MTERF4: variants seen among roughly 807,000 people sequenced by gnomAD.
MTERF4 encodes transcription termination factor 4, mitochondrial.
In MTERF4, 17 loss-of-function variants were observed where a neutral mutation model predicts 22.5. The observed-to-expected ratio is 0.75, with a 90% CI of 0.52 to 1.13. MTERF4 has a LOEUF of 1.13. Ranked by LOEUF, MTERF4 falls within the 50% of genes most tolerant of loss-of-function variation. The pLI, the probability that MTERF4 is intolerant of heterozygous loss-of-function variation, is 0.00. For missense variants in MTERF4, 420 were observed against 466.8 expected (o/e 0.90, Z 0.92); for synonymous variants, 165 against 175.3 (o/e 0.94, Z 0.47).
At chr2:241,064,125 G>A in the MTERF4 span, 2 of 1,550,686 alleles carry the variant, frequency 1.3e-6, no homozygotes, top group East Asian at 2.4e-5. The surrounding 1 kb of genome is among the most constrained non-coding windows in gnomAD (Gnocchi z 7.0). Context: ...CTGCGAGACA[G>A]GTAGGGCGGC....
At chr2:241,051,399 A>T in the MTERF4 span, 1 of 239,316 alleles carries the variant, frequency 4.2e-6, no homozygotes, top group Non-Finnish European at 8.0e-6. This position sits in a 1 kb window ranked among gnomAD's most constrained non-coding sequence, Gnocchi z 4.7. Context: ...TTCCTGTCAG[A>T]TGGGGAATGC....
chr2:241,087,982 C>G, downstream of MTERF4: 1 of 397,740 alleles, frequency 2.5e-6, no homozygotes. Flanking sequence ...AGTAGCCACA[C>G]GTACTTGTTT....
chr2:241,099,077 A>G (rs2125386677), intron 2 of MTERF4: 1 of 236,434 alleles, frequency 4.2e-6, no homozygotes, highest in South Asian at 6.3e-5. Context: ...ACACTATATA[A>G]AATCTTTTTT....
the MTERF4 span, among the ~76,000 whole-genome samples, chr2:241,057,781 C>T: frequency 4.1e-4 from 63 of 152,058 alleles, 4 homozygotes; most frequent in Non-Finnish European, 1.5e-5. Flanking sequence ...TATTCTCATA[C>T]AAACACAGCT....
At chr2:241,046,428 A>G in the MTERF4 span, among the ~76,000 whole-genome samples, 4 of 152,246 alleles carry the variant, frequency 2.6e-5, no homozygotes, top group African/African-American at 9.6e-5. Context: ...GAATGGATAG[A>G]CAAATTGTGG....
In MTERF4 at chr2:241,097,406, T is replaced by C; in HGVS notation, c.542A>G (p.Tyr181Cys). The C allele has an allele frequency of 6.2e-7, 1 of 1,613,736 alleles. No individual in the cohort carries two copies. The highest frequency in any genetic ancestry group is 1.1e-5 in the South Asian group (1 of 91,032). The change falls in exon 3 of 4, where the codon TAC (tyrosine) becomes TGC (cysteine). Residue 181 changes from tyrosine to cysteine, a missense_variant. Tyr to Cys is a radical substitution (Grantham distance 194). Coordinates refer to ENST00000391980, the MANE Select transcript of MTERF4 (RefSeq NM_182501.4). Reference sequence around the variant, plus strand: ...CATGGTGAAAATTTCAGGGCAACAGTAAAGCACCCTCTTTAATTTCCCTGC... The same window carrying C: ...CATGGTGAAAATTTCAGGGCAACAGCAAAGCACCCTCTTTAATTTCCCTGC... ...LGEGKLKRVLYCCPEIFTMRQ... is the reference protein window; with the variant it reads ...LGEGKLKRVLCCCPEIFTMRQ...
exon 5 of MTERF4, chr2:241,072,242 A>G (rs1413925160): frequency 2.1e-6 from 1 of 470,440 alleles, no homozygotes; most frequent in Admixed American, 2.4e-5. Context: ...GCAGGAGGCC[A>G]TGAGGGTCTA....
At chr2:241,071,890 G>T (rs750112988), downstream of MTERF4, 8 of 1,589,710 alleles carry the variant, frequency 5.0e-6, no homozygotes, top group Non-Finnish European at 4.3e-6. Context: ...TGAGTGCCAG[G>T]GCCTCCCCAC....
intron 4 of MTERF4, chr2:241,081,793 G>GGTAA (rs1559309826): frequency 1.5e-5 from 24 of 1,573,470 alleles, no homozygotes; most frequent in Middle Eastern, 1.7e-4. Flanking sequence ...CTGCGAGCTC[G>GGTAA]GTAAGTCGGG....
At chr2:241,053,254 A>C in the MTERF4 span, 1 of 1,606,236 alleles carries the variant, frequency 6.2e-7, no homozygotes, top group East Asian at 2.2e-5. Context: ...CCGTGGCTAC[A>C]GCCTGAGCGC....
chr2:241,042,783 G>T, the MTERF4 span, among the ~76,000 whole-genome samples: 1 of 152,204 alleles, frequency 6.6e-6, no homozygotes, highest in Non-Finnish European at 1.5e-5. Context: ...CAATGAACCT[G>T]AAGAGTGAAA....
downstream of MTERF4, chr2:241,068,832 G>C: frequency 2.0e-6 from 2 of 994,784 alleles, no homozygotes; most frequent in Non-Finnish European, 3.0e-6. The surrounding 1 kb of genome is among the most constrained non-coding windows in gnomAD (Gnocchi z 5.3). Context: ...CTCCTGCCTG[G>C]GGGAGCTGCG....
At chr2:241,088,535 C>A, downstream of MTERF4, 1 of 747,228 alleles carries the variant, frequency 1.3e-6, no homozygotes, top group Non-Finnish European at 2.3e-6. Context: ...TCCTGTGCTG[C>A]TGTGTTACAG....
chr2:241,045,061 A>G, the MTERF4 span, among the ~76,000 whole-genome samples: 1 of 152,356 alleles, frequency 6.6e-6, no homozygotes, highest in African/African-American at 2.4e-5. Flanking sequence ...CATTTATAAT[A>G]GCTCCTCTCA....
chr2:241,098,288 ATC>A (rs1373494445), intron 2 of MTERF4, among the ~76,000 whole-genome samples: 1 of 152,388 alleles, frequency 6.6e-6, no homozygotes, highest in East Asian at 1.9e-4. Context: ...CACTGTAAGA[ATC>A]TGTTAAGAAA....
At chr2:241,053,516 A>G in the MTERF4 span, among the ~76,000 whole-genome samples, 6 of 152,226 alleles carry the variant, frequency 3.9e-5, no homozygotes, top group Non-Finnish European at 5.9e-5. Context: ...ATCACAGTCA[A>G]CTTTGCTCTG....
chr2:241,082,918 C>T (rs1286626706), downstream of MTERF4, among the ~76,000 whole-genome samples: 4 of 151,770 alleles, frequency 2.6e-5, no homozygotes, highest in Non-Finnish European at 4.4e-5. Context: ...TGCTGTGTGC[C>T]GGGCACTGTC....
the MTERF4 span, chr2:241,053,204 A>G: frequency 2.5e-6 from 4 of 1,610,490 alleles, no homozygotes; most frequent in Middle Eastern, 1.7e-4. Context: ...CTGCGCTTCA[A>G]CGGCACGCGG....
chr2:241,073,420 T>C lies in MTERF4; in HGVS notation n.2742A>G, dbSNP rs1417063591. 1.2e-5 allele frequency: 17 copies of C among 1,428,334 alleles called. No homozygotes were observed. The highest frequency in any genetic ancestry group is 1.6e-5 in the Non-Finnish European group (17 of 1,035,390). The allele number at this position is 1,428,334 out of a possible 1,614,324, so 88.5% of individuals were successfully genotyped here. The stretch of plus-strand genomic sequence containing the variant: ...GACTGACTGACTGCTCTCAGGGGCC[T>C]TAGAGGCTGCAGGCAGGAGGGACCA... On this transcript the variant is annotated non_coding_transcript_exon_variant, in exon 5 of 5. Transcript: ENST00000464344. The surrounding 1 kb of genome is among the most constrained non-coding windows in gnomAD (Gnocchi z 6.6).
Sources: gnomAD v4.1 joint callset for allele counts (sites outside exome capture counted in the v4.1 genomes callset) on GRCh38, gnomAD v4.1.1 for gene constraint, Gnocchi (gnomAD v3.1) non-coding constraint, MANE v1.5 for transcripts, NCBI Gene and HGNC (gene_info 2026-07-23, HGNC 2026-07-21) for gene names.